The following ADCY1 variants were observed in gnomAD, a reference collection of about 807,000 sequenced individuals.
ADCY1 encodes adenylate cyclase 1, also known as adenylate cyclase type 1.
Under a neutral mutation model 105.4 loss-of-function variants are expected in ADCY1, and 28 were observed. The ratio of observed to expected loss-of-function variants is 0.27; its 90% CI spans 0.20 to 0.36. The LOEUF (loss-of-function observed/expected upper bound fraction) is 0.36, where lower values mean the gene tolerates loss of function less well. Ranked by LOEUF, ADCY1 falls within the 10% of genes least tolerant of loss-of-function variation. ADCY1 has a pLI of 1.00. For synonymous variants in ADCY1, 655 were observed against 623.8 expected (o/e 1.05, Z -0.75); for missense variants, 977 against 1,434.2 (o/e 0.68, Z 5.15).
At position 45,574,747 on chromosome 7, in the gene ADCY1, C is replaced by T. The variant is rs531991756; in HGVS notation, c.204C>T (p.Leu68=). The change falls in exon 1 of 20, where the codon CTC becomes CTT. Residue 68 remains leucine (L), a synonymous_variant. Transcript: ENST00000297323. The surrounding 1 kb of genome is among the most constrained non-coding windows in gnomAD (Gnocchi z 7.0). ...QAATLKALAV[L]SLLAGALALA... ...CCACGCTGAAGGCGCTGGCCGTTCT[C>T]AGCCTGCTGGCGGGCGCGCTGGCGC... 406 of 1,433,422 alleles carry T rather than the reference C, an allele frequency of 2.8e-4. 1 individual carries two copies. The highest frequency in any genetic ancestry group is 9.1e-4 in the Admixed American group (28 of 30,840). 88.8% of individuals were successfully genotyped at this position (1,433,422 alleles called of 1,614,324 possible).
At chr7:45,587,092 G>A (rs942821365) in intron 1 of ADCY1, among the ~76,000 whole-genome samples, 1 of 152,220 alleles carries the variant, frequency 6.6e-6, no homozygotes, top group Non-Finnish European at 1.5e-5. Flanking sequence ...ATTCAATAGA[G>A]AGGTTTTCAT....
rs59022473 is a variant in ADCY1, at chr7:45,591,536, C to T, written c.640-1223C>T. Among the ~76,000 whole-genome samples the T allele has an allele frequency of 2.5e-4, 38 of 152,250 alleles. No homozygotes were observed. Among genetic ancestry groups the T allele is most frequent in the Non-Finnish European group, 2.9e-5 (2 of 68,050 alleles). On this transcript the variant is annotated intron_variant, in intron 1 of 19. Coordinates refer to ENST00000297323, the MANE Select transcript of ADCY1 (RefSeq NM_021116.4). This position sits in a 1 kb window ranked among gnomAD's most constrained non-coding sequence, Gnocchi z 4.1. ...AGTGACAGCCGGAGCCTGCAGGTTT[C>T]TGCTCCCTGGGAGACAGGTAGAAAT...
Position 45,690,755 on chromosome 7 carries a change from T to A in ADCY1, c.2454+4082T>A, listed in dbSNP as rs535237234. On this transcript the variant is annotated intron_variant, in intron 14 of 19. Coordinates refer to ENST00000297323, the MANE Select transcript of ADCY1 (RefSeq NM_021116.4). ...TAATAGGAAAAGAGCCTCTTTATGATGGGCTGTGTTGCTGAACTTGGTCTT... is the reference window on the plus strand; with the variant it reads ...TAATAGGAAAAGAGCCTCTTTATGAAGGGCTGTGTTGCTGAACTTGGTCTT... Among the ~76,000 whole-genome samples, 3 of 152,360 alleles carry A rather than the reference T, an allele frequency of 2.0e-5. No individual in the cohort carries two copies. The South Asian group carries it at 6.2e-4, about 32-fold the overall frequency.
At chr7:45,675,042 A>G (rs989469340) in intron 8 of ADCY1, among the ~76,000 whole-genome samples, 2 of 152,178 alleles carry the variant, frequency 1.3e-5, no homozygotes, top group Non-Finnish European at 2.9e-5. Flanking sequence ...ACTTAATGCA[A>G]TTATTGATAT....
Position 45,722,045 on chromosome 7 carries a change from C to G in ADCY1, c.*8050C>G, listed in dbSNP as rs1785484450. 1 of 383,802 alleles carries G rather than the reference C, an allele frequency of 2.6e-6. No individual in the cohort carries two copies. The highest frequency in any genetic ancestry group is 2.1e-5 in the African/African-American group (1 of 48,308). 23.8% of individuals were successfully genotyped at this position (383,802 alleles called of 1,614,324 possible). ...CAGGTGAGGGCAGTGGGAAGCTGGC[C>G]CGACGGCAGCCAGAACTTGTTTCTC... is the stretch of plus-strand genomic sequence containing the variant. On this transcript the variant is annotated 3_prime_UTR_variant, in exon 20 of 20. Coordinates refer to ENST00000297323, the MANE Select transcript of ADCY1 (RefSeq NM_021116.4).
chr7:45,621,899 T>C (rs1793902359), intron 3 of ADCY1, among the ~76,000 whole-genome samples: 1 of 152,204 alleles, frequency 6.6e-6, no homozygotes, highest in South Asian at 2.1e-4. Context: ...TTAATTTTTT[T>C]CTAATATTTT....
intron 14 of ADCY1, among the ~76,000 whole-genome samples, chr7:45,702,450 G>C (rs897358185): frequency 6.6e-6 from 1 of 152,356 alleles, no homozygotes; most frequent in Middle Eastern, 3.4e-3. Flanking sequence ...GGGCCGCTCC[G>C]CAAGGGCAAT....
intron 2 of ADCY1, among the ~76,000 whole-genome samples, chr7:45,599,718 C>T (rs770878114): frequency 2.6e-4 from 40 of 151,948 alleles, no homozygotes; most frequent in Non-Finnish European, 3.8e-4. Context: ...CCTCCGCCTC[C>T]CGGGTTCAAG....
chr7:45,598,562 A>G (rs1045615155), intron 2 of ADCY1, among the ~76,000 whole-genome samples: 5 of 152,234 alleles, frequency 3.3e-5, no homozygotes, highest in Non-Finnish European at 7.3e-5. Context: ...AAATGCTGAG[A>G]ATAATTTTAT....
At chr7:45,620,747 C>T (rs554521094) in intron 3 of ADCY1, among the ~76,000 whole-genome samples, 5 of 152,280 alleles carry the variant, frequency 3.3e-5, no homozygotes, top group East Asian at 1.9e-4. Flanking sequence ...GATTTTTCAT[C>T]GGAAACCAGG....
chr7:45,652,456 A>G (rs1336415766), intron 5 of ADCY1, among the ~76,000 whole-genome samples: 2 of 152,222 alleles, frequency 1.3e-5, no homozygotes, highest in Non-Finnish European at 2.9e-5. Context: ...GGTGCAGGCA[A>G]GCATGCAGCC....
In ADCY1 at chr7:45,713,863, A is replaced by C. The variant is rs763901466; in HGVS notation, c.3228A>C (p.Pro1076=). 5 of 780,676 alleles carry C rather than the reference A, an allele frequency of 6.4e-6. No individual in the cohort carries two copies. Among genetic ancestry groups the C allele is most frequent in the Admixed American group, 1.7e-5 (1 of 59,024 alleles). 48.4% of individuals were successfully genotyped at this position (780,676 alleles called of 1,614,324 possible). ...RSLGLDRKMC[P]FGRAGLQGRR... is the part of the protein sequence containing the mutation. ...TGGGCTTGGATCGGAAAATGTGTCC[A>C]TTTGGGAGAGCTGGCCTTCAGGGCA... The change falls in exon 20 of 20, where the codon CCA becomes CCC. Residue 1076 remains proline (P), a synonymous_variant. Transcript: ENST00000297323.
chr7:45,650,896 C>T (rs752542640), intron 5 of ADCY1, among the ~76,000 whole-genome samples: 4 of 152,180 alleles, frequency 2.6e-5, no homozygotes, highest in African/African-American at 9.7e-5. Flanking sequence ...AGCTGCAAAC[C>T]CACCTGGCTT....
intron 8 of ADCY1, 85 bp from the exon 9 acceptor site, chr7:45,677,784 G>A (rs1332086173): frequency 7.0e-6 from 10 of 1,420,892 alleles, no homozygotes; most frequent in Admixed American, 2.1e-5. Context: ...CCCTGCAGCG[G>A]ATCTGGCTGG....
At chr7:45,586,721 G>A (rs1379970163) in intron 1 of ADCY1, among the ~76,000 whole-genome samples, 1 of 152,236 alleles carries the variant, frequency 6.6e-6, no homozygotes, top group Non-Finnish European at 1.5e-5. Context: ...TGTCCACTGG[G>A]GGCTCAGTCA....
chr7:45,667,316 G>A (rs1384589893), intron 8 of ADCY1, among the ~76,000 whole-genome samples: 1 of 152,212 alleles, frequency 6.6e-6, no homozygotes, highest in Non-Finnish European at 1.5e-5. Flanking sequence ...TAAGGCGTAA[G>A]GAAGGGGTCC....
At position 45,674,651 on chromosome 7, in the gene ADCY1, C is replaced by T. The variant is rs140878235; in HGVS notation, c.1606-3218C>T. 3.3e-3 allele frequency among the ~76,000 whole-genome samples: 503 copies of T among 152,296 alleles called. 4 individuals carry two copies. Among genetic ancestry groups the T allele is most frequent in the African/African-American group, 0.011 (476 of 41,574 alleles). ...CCTCCCAAAGTGCTGGGATTACAGGCGTGAGCCACAGCGCCCCACTGTTTC... is the reference window on the plus strand; with the variant it reads ...CCTCCCAAAGTGCTGGGATTACAGGTGTGAGCCACAGCGCCCCACTGTTTC... On this transcript the variant is annotated intron_variant, in intron 8 of 19. Coordinates refer to ENST00000297323, the MANE Select transcript of ADCY1 (RefSeq NM_021116.4).
chr7:45,696,438 CAAAAAAAAAAAAA>C, intron 14 of ADCY1, among the ~76,000 whole-genome samples: 1 of 73,910 alleles, frequency 1.4e-5, no homozygotes, highest in Middle Eastern at 8.9e-3. Flanking sequence ...TACTCCATCT[CAAAAAAAAAAAAA>C]AAAAAAAAAG....
At chr7:45,634,509 C>G (rs899837927) in intron 4 of ADCY1, among the ~76,000 whole-genome samples, 4 of 141,246 alleles carry the variant, frequency 2.8e-5, no homozygotes, top group African/African-American at 1.1e-4. Flanking sequence ...TATGGTTTTT[C>G]TTTTTAGTCT....
Sources: gnomAD v4.1 joint callset for allele counts (sites outside exome capture counted in the v4.1 genomes callset) on GRCh38, gnomAD v4.1.1 for gene constraint, Gnocchi (gnomAD v3.1) non-coding constraint, MANE v1.5 for transcripts, NCBI Gene and HGNC (gene_info 2026-07-23, HGNC 2026-07-21) for gene names.